The following AMMECR1L variants were observed in gnomAD, a reference collection of about 807,000 sequenced individuals.
The protein encoded by AMMECR1L is AMMECR1 like, also known as AMMECR1-like protein.
A neutral mutation model predicts 36.8 loss-of-function variants in AMMECR1L; 4 were observed. The observed-to-expected ratio is 0.11, with a 90% confidence interval of 0.05 to 0.25. The LOEUF (loss-of-function observed/expected upper bound fraction) is 0.25. Among genes scored for constraint, AMMECR1L ranks in the 10% least tolerant of loss-of-function variants. AMMECR1L has a pLI of 1.00. For synonymous variants in AMMECR1L, 147 were observed against 148.0 expected, an observed-to-expected ratio of 0.99 and a Z score of 0.05; for missense variants, 232 against 392.1, an observed-to-expected ratio of 0.59 and a Z score of 3.45.
intron 2 of AMMECR1L, among the ~76,000 whole-genome samples, chr2:127,880,493 C>T (rs1416153213): frequency 3.3e-5 from 5 of 152,106 alleles, no homozygotes; most frequent in African/African-American, 4.8e-5. Flanking sequence ...AGTGATGCTG[C>T]GGCGTCCTCA....
At position 127,861,711 on chromosome 2, in the gene AMMECR1L, G is replaced by C. The variant is rs545266692; in HGVS notation, c.*3383C>G. 1 of 152,292 alleles carries C rather than the reference G, an allele frequency of 6.6e-6. No homozygotes were observed. The highest frequency in any genetic ancestry group is 1.9e-4 in the East Asian group (1 of 5,192). The allele number at this position is 152,292 out of a possible 1,614,324, so 9.4% of individuals were successfully genotyped here. On this transcript the variant is annotated 3_prime_UTR_variant, in exon 8 of 8. Coordinates refer to ENST00000272647, the MANE Select transcript of AMMECR1L (RefSeq NM_001199140.2). ...GCACTCAGAAGTTATATAGCCAAGA[G>C]GCAACCAAGTGTAATACAAAGAATT...
Position 127,871,109 on chromosome 2 carries a change from C to A in AMMECR1L, c.518+140G>T. The stretch of plus-strand genomic sequence containing the variant: ...TGTCTGTACTTGAACTGATAACTGA[C>A]TCACCAGATTAAGCCCCTTACATTT... On this transcript the variant is annotated intron_variant, in intron 4 of 7. Transcript: ENST00000272647. The surrounding 1 kb of genome is among the most constrained non-coding windows in gnomAD (Gnocchi z 4.3). The A allele has an allele frequency of 1.0e-6, 1 of 1,000,008 alleles. No individual in the cohort carries two copies. Among genetic ancestry groups the A allele is most frequent in the Non-Finnish European group, 1.5e-6 (1 of 680,462 alleles). The allele number at this position is 1,000,008 out of a possible 1,614,324, so 61.9% of individuals were successfully genotyped here.
intron 2 of AMMECR1L, among the ~76,000 whole-genome samples, chr2:127,883,678 C>T (rs1196852592): frequency 1.3e-5 from 2 of 152,118 alleles, no homozygotes; most frequent in Non-Finnish European, 2.9e-5. Flanking sequence ...AATTTTTCCC[C>T]AGAACTTTGT....
intron 7 of AMMECR1L, among the ~76,000 whole-genome samples, chr2:127,866,173 T>C (rs1164632962): frequency 6.6e-6 from 1 of 152,164 alleles, no homozygotes; most frequent in Non-Finnish European, 1.5e-5. Context: ...CAAAAGCCCA[T>C]AGAAGCTAAA....
chr2:127,881,373 G>A (rs1055737471), intron 2 of AMMECR1L, among the ~76,000 whole-genome samples: 1 of 146,964 alleles, frequency 6.8e-6, no homozygotes, highest in Non-Finnish European at 1.5e-5. Context: ...TGTCTGGCTG[G>A]GCAAAAGGAC....
rs903988159 is a variant in AMMECR1L at position 127,873,052 on chromosome 2, T to C, written c.407+776A>G. The C allele has an allele frequency of 1.0e-6, 1 of 985,436 alleles. No individual in the cohort carries two copies. Among genetic ancestry groups the C allele is most frequent in the East Asian group, 1.1e-4 (1 of 8,812 alleles). 61.0% of individuals were successfully genotyped at this position (985,436 alleles called of 1,614,324 possible). On this transcript the variant is annotated intron_variant, in intron 3 of 7. Transcript: ENST00000272647. The surrounding 1 kb of genome is among the most constrained non-coding windows in gnomAD (Gnocchi z 5.2). ...CCTCTCCATGCCCCAGCCAAGGTTT[T>C]GTAGTCTCCGTATGGCAATCAACAA...
In AMMECR1L at chr2:127,865,481, G is replaced by A. The variant is rs1168484823; in HGVS notation, c.822-276C>T. On this transcript the variant is annotated intron_variant, in intron 7 of 7. Transcript: ENST00000272647. This position sits in a 1 kb window ranked among gnomAD's most constrained non-coding sequence, Gnocchi z 5.4. ...ACACGTGCTTATCATCAGGCTGCTCGTAAGCAATCCGCTACTGGGGTCTGG... is the reference window on the plus strand; with the variant it reads ...ACACGTGCTTATCATCAGGCTGCTCATAAGCAATCCGCTACTGGGGTCTGG... Among the ~76,000 whole-genome samples the A allele has an allele frequency of 6.6e-6, 1 of 151,980 alleles. No homozygotes were observed. The highest frequency in any genetic ancestry group is 1.5e-5 in the Non-Finnish European group (1 of 68,012).
chr2:127,882,442 G>A (rs1178495363), intron 2 of AMMECR1L, among the ~76,000 whole-genome samples: 1 of 152,094 alleles, frequency 6.6e-6, no homozygotes, highest in Non-Finnish European at 1.5e-5. Flanking sequence ...TCCTACTTAT[G>A]GAACTATTCC....
Position 127,866,954 on chromosome 2 carries a change from C to T in AMMECR1L, c.767G>A (p.Gly256Asp), listed in dbSNP as rs764090539. ...ACTGGTAATTGGAGCTTTAAAGCCA[C>T]CTTTCCTGAGCAAGGAGTCTATTGT... ...IQTIDSLLRK[G>D]GFKAPITSEF... Residue 256 changes from glycine to aspartate, a missense_variant, in exon 7 of 8, where the codon GGT (glycine) becomes GAT (aspartate). Gly to Asp is a moderately conservative substitution (Grantham distance 94). This residue lies in a region of AMMECR1L where 83 missense variants were observed against 229.5 expected (regional missense o/e 0.36). Transcript: ENST00000272647. 6.2e-7 allele frequency: 1 copy of T among 1,614,260 alleles called. No homozygotes were observed. Among genetic ancestry groups the T allele is most frequent in the Admixed American group, 1.7e-5 (1 of 60,032 alleles).
intron 2 of AMMECR1L, among the ~76,000 whole-genome samples, chr2:127,875,120 CT>C (rs1346492827): frequency 1.3e-5 from 2 of 152,148 alleles, no homozygotes; most frequent in African/African-American, 4.8e-5. Flanking sequence ...GAGCCACAGC[CT>C]CCTCCCAGCT....
At chr2:127,866,537 T>C (rs2118204) in intron 7 of AMMECR1L, among the ~76,000 whole-genome samples, 75,373 of 152,114 alleles carry the variant, frequency 0.5, 19,909 homozygotes, top group African/African-American at 0.68. Context: ...TCTCCTGCCG[T>C]CTGACTACAT....
intron 2 of AMMECR1L, among the ~76,000 whole-genome samples, chr2:127,875,880 A>G (rs1271683222): frequency 6.6e-6 from 1 of 151,996 alleles, no homozygotes; most frequent in African/African-American, 2.4e-5. Context: ...CACAGCCTCC[A>G]ACTCCTGGAC....
At position 127,871,428 on chromosome 2, in the gene AMMECR1L, G is replaced by T; in HGVS notation, c.408-69C>A. The stretch of plus-strand genomic sequence containing the variant: ...TCATGGATAAGAACAAAACCTTTTG[G>T]CTTTGTCCCTATTCATTTCTGTTAT... On this transcript the variant is annotated intron_variant, in intron 3 of 7. Transcript: ENST00000272647. The surrounding 1 kb of genome is among the most constrained non-coding windows in gnomAD (Gnocchi z 4.3). 1 of 1,490,060 alleles carries T rather than the reference G, an allele frequency of 6.7e-7. No homozygotes were observed. Among genetic ancestry groups the T allele is most frequent in the Admixed American group, 1.9e-5 (1 of 52,578 alleles). 92.3% of individuals were successfully genotyped at this position (1,490,060 alleles called of 1,614,324 possible). A position where few individuals can be genotyped will look rare whatever the true frequency, so the allele number is the denominator to read the frequency against.
In AMMECR1L at chr2:127,865,774, G is replaced by T. The variant is rs1690661333; in HGVS notation, c.822-569C>A. On this transcript the variant is annotated intron_variant, in intron 7 of 7. Coordinates refer to ENST00000272647, the MANE Select transcript of AMMECR1L (RefSeq NM_001199140.2). This position sits in a 1 kb window ranked among gnomAD's most constrained non-coding sequence, Gnocchi z 5.4. ...CCAGATGAATATGCCATATCACAGG[G>T]TCGTCAGAACAGAATTCATAGCACT... is the stretch of plus-strand genomic sequence containing the variant. Among the ~76,000 whole-genome samples, 1 of 152,216 alleles carries T rather than the reference G, an allele frequency of 6.6e-6. No homozygotes were observed. Among genetic ancestry groups the T allele is most frequent in the Non-Finnish European group, 1.5e-5 (1 of 68,040 alleles).
chr2:127,865,603 T>A lies in AMMECR1L; in HGVS notation c.822-398A>T, dbSNP rs1312887225. On this transcript the variant is annotated intron_variant, in intron 7 of 7. Transcript: ENST00000272647. The surrounding 1 kb of genome is among the most constrained non-coding windows in gnomAD (Gnocchi z 5.4). ...TGCACATCTACTTCCAGAGTAAATG[T>A]GATACATTTGACAGAAATGCAACCT... Among the ~76,000 whole-genome samples, 4 of 152,254 alleles carry A rather than the reference T, an allele frequency of 2.6e-5. No homozygotes were observed. Among genetic ancestry groups the A allele is most frequent in the Non-Finnish European group, 1.5e-5 (1 of 68,050 alleles).
chr2:127,867,551 A>G (rs963976865), intron 6 of AMMECR1L, among the ~76,000 whole-genome samples: 4 of 152,162 alleles, frequency 2.6e-5, no homozygotes, highest in African/African-American at 9.7e-5. Flanking sequence ...GTTCAAGGAC[A>G]GCCTAGGCAA....
intron 3 of AMMECR1L, among the ~76,000 whole-genome samples, chr2:127,872,543 G>A (rs983447958): frequency 6.6e-6 from 1 of 152,084 alleles, no homozygotes; most frequent in Non-Finnish European, 1.5e-5. Context: ...GGCAACTTAA[G>A]TTTTCAAAGT....
chr2:127,885,472 A>G (rs1181084734), intron 1 of AMMECR1L: 44 of 982,098 alleles, frequency 4.5e-5, no homozygotes, highest in Non-Finnish European at 5.1e-5. Context: ...GAGACCACCA[A>G]ACTTTACAGC....
intron 6 of AMMECR1L, among the ~76,000 whole-genome samples, chr2:127,867,816 G>C (rs991822460): frequency 1.3e-5 from 2 of 151,994 alleles, no homozygotes; most frequent in Admixed American, 6.6e-5. Context: ...AGGAAGGAAG[G>C]AGCTGTTCCT....
Sources: allele counts gnomAD v4.1 joint callset (sites outside exome capture counted in the v4.1 genomes callset), GRCh38; gene constraint gnomAD v4.1.1; regional missense constraint gnomAD v4.1.1; non-coding constraint Gnocchi (gnomAD v3.1); transcripts MANE v1.5; gene names NCBI Gene and HGNC (gene_info 2026-07-23, HGNC 2026-07-21).